The following PRKN variants were observed in gnomAD, a reference collection of about 807,000 sequenced individuals.
PRKN encodes the protein parkin RBR E3 ubiquitin protein ligase.
In PRKN, 56 loss-of-function variants were observed where a neutral mutation model predicts 59.5. The observed-to-expected ratio is 0.94, with a 90% CI of 0.76 to 1.18. PRKN has a LOEUF of 1.18. Ranked by LOEUF, PRKN falls within the 50% of genes most tolerant of loss-of-function variation. The pLI, the probability that PRKN is intolerant of heterozygous loss-of-function variation, is 0.00. For missense variants in PRKN, 657 were observed against 596.4 expected (o/e 1.10, Z -1.06); for synonymous variants, 250 against 222.1 (o/e 1.13, Z -1.12).
intron 1 of PRKN, among the ~76,000 whole-genome samples, chr6:162,510,558 T>C (rs987738951): frequency 6.6e-6 from 1 of 152,206 alleles, no homozygotes; most frequent in Non-Finnish European, 1.5e-5. Flanking sequence ...CTCCAGGGCC[T>C]ATTTATAATA....
chr6:162,607,287 T>A (rs541699270), intron 1 of PRKN, among the ~76,000 whole-genome samples: 1 of 152,116 alleles, frequency 6.6e-6, no homozygotes, highest in Non-Finnish European at 1.5e-5. Context: ...GGAAAACACA[T>A]GGCCAGAAAA....
rs75816659 is a variant in PRKN at position 161,932,449 on chromosome 6, T to C, written c.734+40853A>G. The stretch of plus-strand genomic sequence containing the variant: ...AAACCTTGAAGTAATATTAAATTAA[T>C]TGAAAATCATTTGATACTCAGAAAA... On this transcript the variant is annotated intron_variant, in intron 6 of 11. Coordinates refer to ENST00000366898, the MANE Select transcript of PRKN (RefSeq NM_004562.3). Among the ~76,000 whole-genome samples the C allele has an allele frequency of 6.1e-3, 931 of 152,324 alleles. 19 individuals are homozygous for C. The highest frequency in any genetic ancestry group is 0.019 in the African/African-American group (810 of 41,582).
rs1778712624 is a variant in PRKN, at chr6:161,518,850, C to T, written c.1083+30004G>A. ...TGACTGAATTGAGTCAAATAGAAAG[C>T]AGCTCTCACTCAGAGAGCAGCCCTC... is the stretch of plus-strand genomic sequence containing the variant. On this transcript the variant is annotated intron_variant, in intron 9 of 11. Coordinates refer to ENST00000366898, the MANE Select transcript of PRKN (RefSeq NM_004562.3). This position sits in a 1 kb window ranked among gnomAD's most constrained non-coding sequence, Gnocchi z 5.0. Among the ~76,000 whole-genome samples the T allele has an allele frequency of 6.6e-6, 1 of 152,172 alleles. No homozygotes were observed. The highest frequency in any genetic ancestry group is 1.5e-5 in the Non-Finnish European group (1 of 68,046).
chr6:162,674,188 A>G (rs1584026091), intron 1 of PRKN, among the ~76,000 whole-genome samples: 1 of 152,226 alleles, frequency 6.6e-6, no homozygotes, highest in East Asian at 1.9e-4. Flanking sequence ...CATAGATTCA[A>G]TATTTATTGA....
At chr6:161,802,726 T>A (rs1166060436) in intron 6 of PRKN, among the ~76,000 whole-genome samples, 3 of 152,174 alleles carry the variant, frequency 2.0e-5, no homozygotes, top group Non-Finnish European at 4.4e-5. Flanking sequence ...TTTGTCTCCA[T>A]AACATCAATC....
At chr6:162,174,777 T>G (rs1167103680) in intron 4 of PRKN, among the ~76,000 whole-genome samples, 1 of 152,214 alleles carries the variant, frequency 6.6e-6, no homozygotes, top group African/African-American at 2.4e-5. Flanking sequence ...CACATCCTAA[T>G]CCAATTGGTG....
intron 7 of PRKN, among the ~76,000 whole-genome samples, chr6:161,706,185 T>G (rs1338404066): frequency 6.6e-6 from 1 of 152,196 alleles, no homozygotes; most frequent in Non-Finnish European, 1.5e-5. Flanking sequence ...ATCAACTGGA[T>G]GCTGTCATGG....
chr6:161,513,632 A>C (rs1286549795), intron 9 of PRKN, among the ~76,000 whole-genome samples: 1 of 151,848 alleles, frequency 6.6e-6, no homozygotes, highest in East Asian at 1.9e-4. Flanking sequence ...GAGCCACTAC[A>C]TGAAGGAACC....
rs74636094 is a variant in PRKN, at chr6:161,838,081, C to T, written c.735-52173G>A. Among the ~76,000 whole-genome samples, 761 of 152,262 alleles carry T rather than the reference C, an allele frequency of 5.0e-3. 14 individuals are homozygous for T. In the East Asian group the frequency reaches 0.071, roughly 14 times the overall value. Reference sequence around the variant, plus strand: ...TCAAGTGTTTCTTAATCATTCCCTTCAGCAATGGTGCTGCTTTTGTTACAT... The same window carrying T: ...TCAAGTGTTTCTTAATCATTCCCTTTAGCAATGGTGCTGCTTTTGTTACAT... On this transcript the variant is annotated intron_variant, in intron 6 of 11. Coordinates refer to ENST00000366898, the MANE Select transcript of PRKN (RefSeq NM_004562.3).
chr6:162,144,338 A>C (rs988761880), intron 4 of PRKN, among the ~76,000 whole-genome samples: 7 of 152,242 alleles, frequency 4.6e-5, no homozygotes, highest in African/African-American at 1.7e-4. Flanking sequence ...GATTGGTGAG[A>C]TATCAAATGT....
intron 2 of PRKN, among the ~76,000 whole-genome samples, chr6:162,352,300 A>G (rs1784657403): frequency 6.6e-6 from 1 of 152,194 alleles, no homozygotes; most frequent in Non-Finnish European, 1.5e-5. Flanking sequence ...CAGAAAAGGC[A>G]GATTACGGCA....
At position 161,503,037 on chromosome 6, in the gene PRKN, A is replaced by G. The variant is rs1252015598; in HGVS notation, c.1083+45817T>C. ...CCATGTCTGATAGAAACTTCTTAAT[A>G]TGTTGGAAATCTTACTATTTTATGG... On this transcript the variant is annotated intron_variant, in intron 9 of 11. Transcript: ENST00000366898. This position sits in a 1 kb window ranked among gnomAD's most constrained non-coding sequence, Gnocchi z 5.1. 1.3e-5 allele frequency among the ~76,000 whole-genome samples: 2 copies of G among 152,132 alleles called. No individual in the cohort carries two copies. Among genetic ancestry groups the G allele is most frequent in the East Asian group, 1.9e-4 (1 of 5,184 alleles).
At chr6:161,434,738 CTT>C (rs1319950522) in intron 9 of PRKN, among the ~76,000 whole-genome samples, 2 of 152,128 alleles carry the variant, frequency 1.3e-5, no homozygotes, top group African/African-American at 2.4e-5. Flanking sequence ...AAAGAAAGCT[CTT>C]TGAAAAGTTT....
intron 2 of PRKN, among the ~76,000 whole-genome samples, chr6:162,348,607 TAA>T (rs957977982): frequency 4.1e-4 from 62 of 152,298 alleles, no homozygotes; most frequent in Admixed American, 7.8e-4. Flanking sequence ...ATTTTTTCTG[TAA>T]AGTGTCAGAC....
chr6:162,328,297 C>T (rs574895314), intron 2 of PRKN, among the ~76,000 whole-genome samples: 20 of 152,030 alleles, frequency 1.3e-4, no homozygotes, highest in South Asian at 6.2e-4. Context: ...AGACAGGAGA[C>T]AGAGGCTGCA....
chr6:162,343,713 G>C (rs1175484280), intron 2 of PRKN, among the ~76,000 whole-genome samples: 1 of 152,118 alleles, frequency 6.6e-6, no homozygotes, highest in Non-Finnish European at 1.5e-5. Context: ...GTATGTGTAT[G>C]TGTGCAAGCA....
chr6:162,140,760 T>C (rs1781744002), intron 4 of PRKN, among the ~76,000 whole-genome samples: 1 of 152,198 alleles, frequency 6.6e-6, no homozygotes, highest in Admixed American at 6.5e-5. Flanking sequence ...TTTACTATTA[T>C]AAAGGCCATG....
chr6:162,236,953 G>A (rs575713057), intron 3 of PRKN, among the ~76,000 whole-genome samples: 2 of 152,082 alleles, frequency 1.3e-5, no homozygotes, highest in Non-Finnish European at 2.9e-5. Flanking sequence ...GAAAAGAAAA[G>A]CCCCTTTTGC....
intron 5 of PRKN, among the ~76,000 whole-genome samples, chr6:161,984,910 C>T (rs1188422839): frequency 6.6e-6 from 1 of 152,150 alleles, no homozygotes; most frequent in East Asian, 1.9e-4. Context: ...TGAAGCAGCC[C>T]TCCCTGACCT....
Sources: gnomAD v4.1 joint callset for allele counts (sites outside exome capture counted in the v4.1 genomes callset) on GRCh38, gnomAD v4.1.1 for gene constraint, Gnocchi (gnomAD v3.1) non-coding constraint, MANE v1.5 for transcripts, NCBI Gene and HGNC (gene_info 2026-07-23, HGNC 2026-07-21) for gene names.